Variants in TMEM178B observed in about 807,000 individuals in gnomAD.
The protein encoded by TMEM178B is transmembrane protein 178B.
In TMEM178B, 5 loss-of-function variants were observed where a neutral mutation model predicts 31.0. That is an observed-to-expected ratio of 0.16 (90% CI 0.08 to 0.34). TMEM178B has a LOEUF of 0.34. Ranked by LOEUF, TMEM178B falls within the 10% of genes least tolerant of loss-of-function variation. The pLI is 1.00. For missense variants in TMEM178B, 275 were observed against 400.3 expected (o/e 0.69, Z 2.67); for synonymous variants, 164 against 164.0 (o/e 1.00, Z 0.00).
At chr7:141,180,480 A>AAAAG (rs1174683968) in intron 1 of TMEM178B, among the ~76,000 whole-genome samples, 2 of 150,956 alleles carry the variant, frequency 1.3e-5, no homozygotes, top group African/African-American at 2.4e-5. Context: ...AAAAAAAAAA[A>AAAAG]AAAGAAAGAA....
chr7:141,389,540 G>A (rs1310714200), intron 2 of TMEM178B, among the ~76,000 whole-genome samples: 1 of 152,190 alleles, frequency 6.6e-6, no homozygotes, highest in Non-Finnish European at 1.5e-5. Flanking sequence ...AGATTGATGG[G>A]TGTGGGAGGC....
At chr7:141,161,295 T>G (rs1586802671) in intron 1 of TMEM178B, among the ~76,000 whole-genome samples, 1 of 151,974 alleles carries the variant, frequency 6.6e-6, no homozygotes, top group African/African-American at 2.4e-5. Flanking sequence ...GACGAGGTGG[T>G]GAGTGGTCTG....
At chr7:141,141,998 C>A (rs1163035024) in intron 1 of TMEM178B, among the ~76,000 whole-genome samples, 2 of 152,142 alleles carry the variant, frequency 1.3e-5, no homozygotes. Context: ...TTGTGTGATT[C>A]TAAGGTTTGG....
At chr7:141,294,852 C>T (rs1798604617) in intron 2 of TMEM178B, among the ~76,000 whole-genome samples, 1 of 152,208 alleles carries the variant, frequency 6.6e-6, no homozygotes, top group Non-Finnish European at 1.5e-5. Flanking sequence ...CCTTTTCCGC[C>T]TTTCAGCTGT....
At chr7:141,087,429 A>G (rs761424204) in intron 1 of TMEM178B, among the ~76,000 whole-genome samples, 2 of 152,076 alleles carry the variant, frequency 1.3e-5, no homozygotes, top group Non-Finnish European at 2.9e-5. Context: ...GCTTGTGGAG[A>G]AAAAAAATCA....
chr7:141,436,777 T>G (rs1377756589), intron 2 of TMEM178B, among the ~76,000 whole-genome samples: 2 of 152,064 alleles, frequency 1.3e-5, no homozygotes, highest in Admixed American at 1.3e-4. Context: ...TGGCAACAGC[T>G]CTGCCCTCTC....
At chr7:141,500,086 G>C in the TMEM178B span, among the ~76,000 whole-genome samples, 1 of 152,146 alleles carries the variant, frequency 6.6e-6, no homozygotes, top group Non-Finnish European at 1.5e-5. Flanking sequence ...ACTGTGTATA[G>C]AGGAGAGCAT....
chr7:141,352,865 A>G (rs965077464), intron 2 of TMEM178B: 1 of 152,302 alleles, frequency 6.6e-6, no homozygotes, highest in Non-Finnish European at 1.5e-5. Context: ...AAGAGACTTG[A>G]GAACAACACG....
rs116106712 is a variant in TMEM178B at position 141,450,914 on chromosome 7, G to T, written c.634+13169G>T. On this transcript the variant is annotated intron_variant, in intron 3 of 3. Transcript: ENST00000565468. ...GTCTTAATCTAAGGTCTTCAGACTGGTACCCATTCTTACTTTTGTGTTCCT... is the reference window on the plus strand; with the variant it reads ...GTCTTAATCTAAGGTCTTCAGACTGTTACCCATTCTTACTTTTGTGTTCCT... 6.4e-3 allele frequency among the ~76,000 whole-genome samples: 973 copies of T among 152,258 alleles called. 14 individuals are homozygous for T. Among genetic ancestry groups the T allele is most frequent in the African/African-American group, 0.023 (947 of 41,552 alleles).
intron 1 of TMEM178B, among the ~76,000 whole-genome samples, chr7:141,207,620 T>G (rs1385558127): frequency 6.6e-6 from 1 of 152,224 alleles, no homozygotes; most frequent in African/African-American, 2.4e-5. Context: ...CTTTCCCCAT[T>G]TTTTAATCAG....
chr7:141,096,027 A>G (rs1436289746), intron 1 of TMEM178B, among the ~76,000 whole-genome samples: 4 of 152,232 alleles, frequency 2.6e-5, no homozygotes, highest in African/African-American at 9.6e-5. Context: ...CAAGGCCACT[A>G]CTGGCATTGA....
chr7:141,197,483 C>A (rs1796802330), intron 1 of TMEM178B, among the ~76,000 whole-genome samples: 1 of 152,236 alleles, frequency 6.6e-6, no homozygotes, highest in East Asian at 1.9e-4. Flanking sequence ...ATAAGTTAAC[C>A]CTTTAATTAA....
intron 2 of TMEM178B, among the ~76,000 whole-genome samples, chr7:141,331,263 T>G (rs1488216161): frequency 6.6e-6 from 1 of 152,048 alleles, no homozygotes; most frequent in Non-Finnish European, 1.5e-5. Context: ...AGGGAGTAAA[T>G]GTAAGTAGAA....
Position 141,350,446 on chromosome 7 carries a change from C to T in TMEM178B, c.497-87162C>T, listed in dbSNP as rs114345588. Among the ~76,000 whole-genome samples the T allele has an allele frequency of 8.4e-3, 1,284 of 151,956 alleles. 17 individuals are homozygous for T. The highest frequency in any genetic ancestry group is 0.03 in the African/African-American group (1,225 of 41,414). ...TGTTCAGGGCTGTATCATTATTGTC[C>T]GAAACGATACCTAGTATGGAGAAGA... On this transcript the variant is annotated intron_variant, in intron 2 of 3. Coordinates refer to ENST00000565468, the MANE Select transcript of TMEM178B (RefSeq NM_001195278.2).
chr7:141,396,804 G>A (rs1800665789), intron 2 of TMEM178B, among the ~76,000 whole-genome samples: 1 of 152,196 alleles, frequency 6.6e-6, no homozygotes, highest in Non-Finnish European at 1.5e-5. Flanking sequence ...GAGTGGAAAT[G>A]AGAGACAAAG....
At chr7:141,160,183 G>T (rs1472012061) in intron 1 of TMEM178B, among the ~76,000 whole-genome samples, 1 of 151,890 alleles carries the variant, frequency 6.6e-6, no homozygotes, top group Non-Finnish European at 1.5e-5. Flanking sequence ...TACCCAATGT[G>T]TTGCCTTTTA....
chr7:141,190,239 A>G (rs1165400631), intron 1 of TMEM178B, among the ~76,000 whole-genome samples: 1 of 152,192 alleles, frequency 6.6e-6, no homozygotes, highest in African/African-American at 2.4e-5. Flanking sequence ...GAATACTTAC[A>G]TTAGCCTGCA....
At chr7:141,174,410 C>T (rs537447039) in intron 1 of TMEM178B, among the ~76,000 whole-genome samples, 11 of 152,142 alleles carry the variant, frequency 7.2e-5, no homozygotes, top group African/African-American at 2.2e-4. Context: ...TGAACAGTGC[C>T]GCAATAAACA....
intron 2 of TMEM178B, among the ~76,000 whole-genome samples, chr7:141,217,844 C>A (rs1226605529): frequency 6.6e-6 from 1 of 152,000 alleles, no homozygotes; most frequent in African/African-American, 2.4e-5. Context: ...CAGTAGATTG[C>A]CCCTGGCAGC....
Sources: allele counts gnomAD v4.1 joint callset (sites outside exome capture counted in the v4.1 genomes callset), GRCh38; gene constraint gnomAD v4.1.1; transcripts MANE v1.5; gene names NCBI Gene and HGNC (gene_info 2026-07-23, HGNC 2026-07-21).